Variants in CFAP107 observed in about 807,000 individuals in gnomAD.
CFAP107 encodes the protein cilia- and flagella-associated protein 107.
chr1:12,753,073 C>T, the CFAP107 span, among the ~76,000 whole-genome samples: 2 of 152,018 alleles, frequency 1.3e-5, no homozygotes, highest in Non-Finnish European at 2.9e-5. Flanking sequence ...TTTGTAAACA[C>T]TAACAGTGAA....
the CFAP107 span, chr1:12,746,445 A>G: frequency 2.5e-6 from 4 of 1,613,346 alleles, no homozygotes; most frequent in African/African-American, 5.3e-5. Flanking sequence ...TTTTGACTGC[A>G]GTAAATCCAC....
At chr1:12,758,478 C>T in the CFAP107 span, among the ~76,000 whole-genome samples, 1 of 152,080 alleles carries the variant, frequency 6.6e-6, no homozygotes, top group African/African-American at 2.4e-5. Context: ...ATGTCTGTGC[C>T]CACCCCCCTT....
the CFAP107 span, among the ~76,000 whole-genome samples, chr1:12,748,963 T>C: frequency 6.6e-6 from 1 of 152,150 alleles, no homozygotes; most frequent in African/African-American, 2.4e-5. Context: ...AGCAGCAGAT[T>C]TGAATAGGCA....
At chr1:12,755,354 G>A in the CFAP107 span, among the ~76,000 whole-genome samples, 50 of 151,952 alleles carry the variant, frequency 3.3e-4, 1 homozygote, top group Non-Finnish European at 6.5e-4. Flanking sequence ...GCAGTGAGCC[G>A]AGATTGCGCC....
chr1:12,746,501 C>T, the CFAP107 span: 72 of 1,613,344 alleles, frequency 4.5e-5, no homozygotes, highest in Admixed American at 4.3e-4. Context: ...AAGTATTCAA[C>T]GAAAGTGCTC....
At chr1:12,749,805 A>T in the CFAP107 span, among the ~76,000 whole-genome samples, 1 of 152,200 alleles carries the variant, frequency 6.6e-6, no homozygotes, top group Non-Finnish European at 1.5e-5. Context: ...GATAAACAAA[A>T]GCTGAGGGTG....
At chr1:12,758,553 C>T in the CFAP107 span, among the ~76,000 whole-genome samples, 1,082 of 152,230 alleles carry the variant, frequency 7.1e-3, 12 homozygotes, top group African/African-American at 0.025. Flanking sequence ...TGGGTGCAGC[C>T]GGCATTTCCA....
chr1:12,758,406 A>T, the CFAP107 span, among the ~76,000 whole-genome samples: 1 of 152,092 alleles, frequency 6.6e-6, no homozygotes, highest in African/African-American at 2.4e-5. Context: ...CCTCCAAGTC[A>T]CTTTGGCATT....
the CFAP107 span, among the ~76,000 whole-genome samples, chr1:12,750,190 G>T: frequency 1.3e-5 from 2 of 152,230 alleles, no homozygotes; most frequent in East Asian, 3.9e-4. Context: ...GTAGGATATT[G>T]TGTATAATCC....
the CFAP107 span, chr1:12,753,278 A>G: frequency 6.6e-6 from 1 of 152,170 alleles, no homozygotes; most frequent in Non-Finnish European, 1.5e-5. Flanking sequence ...TATTGTTAAG[A>G]TATCAATACT....
At chr1:12,746,609 C>A in the CFAP107 span, 1 of 1,163,128 alleles carries the variant, frequency 8.6e-7, no homozygotes. Context: ...GAGTGAAGTT[C>A]ATCACTATTT....
chr1:12,752,338 A>T, the CFAP107 span, among the ~76,000 whole-genome samples: 2 of 151,258 alleles, frequency 1.3e-5, no homozygotes, highest in Non-Finnish European at 2.9e-5. Flanking sequence ...TAGTCCCAGC[A>T]CTTTGGGAAG....
chr1:12,752,806 A>C, the CFAP107 span, among the ~76,000 whole-genome samples: 2 of 152,116 alleles, frequency 1.3e-5, no homozygotes, highest in Admixed American at 6.5e-5. Flanking sequence ...ATTAGGAATA[A>C]GACAAAAATG....
chr1:12,762,073 G>A, the CFAP107 span: 2 of 152,256 alleles, frequency 1.3e-5, no homozygotes, highest in Non-Finnish European at 2.9e-5. Context: ...CAGTGATTTT[G>A]TACTGCACAC....
At chr1:12,755,722 C>T in the CFAP107 span, 4,452 of 1,613,300 alleles carry the variant, frequency 2.8e-3, 96 homozygotes, top group African/African-American at 0.048. Flanking sequence ...ACTGACAAGA[C>T]ACCCCAATCC....
At chr1:12,756,042 G>A in the CFAP107 span, among the ~76,000 whole-genome samples, 5 of 152,164 alleles carry the variant, frequency 3.3e-5, no homozygotes, top group African/African-American at 1.2e-4. Context: ...CTATATCCCA[G>A]CACCTGGATC....
chr1:12,755,830 AC>A, the CFAP107 span: 1 of 1,538,200 alleles, frequency 6.5e-7, no homozygotes, highest in East Asian at 2.2e-5. Flanking sequence ...GGGAGTGGCA[AC>A]TGGGACACTC....
chr1:12,747,105 T>C, the CFAP107 span, among the ~76,000 whole-genome samples: 5 of 152,096 alleles, frequency 3.3e-5, no homozygotes, highest in East Asian at 7.7e-4. Context: ...TCTCGCTCTG[T>C]TGCCCAGGCT....
the CFAP107 span, chr1:12,746,606 G>A: frequency 2.5e-6 from 3 of 1,183,064 alleles, no homozygotes; most frequent in Non-Finnish European, 3.8e-6. Context: ...CAGGAGTGAA[G>A]TTCATCACTA....
Sources: allele counts gnomAD v4.1 joint callset (sites outside exome capture counted in the v4.1 genomes callset), GRCh38; gene constraint gnomAD v4.1.1; transcripts MANE v1.5; gene names NCBI Gene and HGNC (gene_info 2026-07-23, HGNC 2026-07-21).